The following TMEM117 variants were observed in gnomAD, a reference collection of about 807,000 sequenced individuals.
TMEM117 encodes the protein transmembrane protein 117.
TMEM117 carries 27 observed loss-of-function variants against 52.4 expected under a neutral mutation model. The observed-to-expected ratio is 0.51, with a 90% confidence interval of 0.38 to 0.71. TMEM117 has a LOEUF of 0.71. Ranked by LOEUF, TMEM117 falls within the 30% of genes least tolerant of loss-of-function variation. The pLI is 0.00. For missense variants in TMEM117, 556 were observed against 630.5 expected, an observed-to-expected ratio of 0.88 and a Z score of 1.26; for synonymous variants, 215 against 206.3, an observed-to-expected ratio of 1.04 and a Z score of -0.36.
intron 3 of TMEM117, among the ~76,000 whole-genome samples, chr12:44,140,719 A>G (rs1346757956): frequency 6.6e-6 from 1 of 152,082 alleles, no homozygotes; most frequent in Admixed American, 6.6e-5. Flanking sequence ...GCTGGTTTAT[A>G]CTTTCATCAA....
intron 4 of TMEM117, among the ~76,000 whole-genome samples, chr12:44,198,617 G>T (rs570295360): frequency 1.1e-4 from 17 of 152,242 alleles, no homozygotes; most frequent in African/African-American, 3.6e-4. Flanking sequence ...GGTATAAAAA[G>T]ATTTATTTCA....
chr12:44,037,669 A>C (rs553814636), intron 3 of TMEM117, among the ~76,000 whole-genome samples: 1 of 152,212 alleles, frequency 6.6e-6, no homozygotes, highest in East Asian at 1.9e-4. Context: ...ATTAGTACGC[A>C]CTTCCTCTTC....
intron 2 of TMEM117, among the ~76,000 whole-genome samples, chr12:43,872,305 ACAATATTGGCACAGACCATCATTATGAG>A (rs1046722515): frequency 6.6e-6 from 1 of 152,182 alleles, no homozygotes; most frequent in African/African-American, 2.4e-5. Flanking sequence ...TGGCTTGAAA[ACAATATTGGCACAGACCATCATTATGAG>A]CACGAATACT....
At chr12:43,799,731 A>G in the TMEM117 span, among the ~76,000 whole-genome samples, 1 of 152,094 alleles carries the variant, frequency 6.6e-6, no homozygotes, top group East Asian at 1.9e-4. Flanking sequence ...ATTACTAAAT[A>G]TTTTGTATGA....
At chr12:44,116,300 TTTC>T in intron 3 of TMEM117, among the ~76,000 whole-genome samples, 1 of 152,206 alleles carries the variant, frequency 6.6e-6, no homozygotes, top group South Asian at 2.1e-4. Context: ...GTGGGTTCTT[TTTC>T]TTCTTCCAAT....
chr12:43,800,366 C>A, the TMEM117 span: 1 of 1,081,780 alleles, frequency 9.2e-7, no homozygotes, highest in Non-Finnish European at 1.4e-6. Flanking sequence ...TATCAATTAC[C>A]CATTACCTAG....
chr12:44,225,853 A>G (rs765765492), intron 5 of TMEM117, among the ~76,000 whole-genome samples: 9 of 152,174 alleles, frequency 5.9e-5, no homozygotes, highest in Non-Finnish European at 1.0e-4. Context: ...GGTTTGGAGA[A>G]GGAAGGGTAC....
At chr12:44,027,185 TTTTATTTTA>T (rs1946554232) in intron 3 of TMEM117, among the ~76,000 whole-genome samples, 1 of 139,792 alleles carries the variant, frequency 7.2e-6, no homozygotes, top group Admixed American at 7.3e-5. Flanking sequence ...TTTTATTTTA[TTTTATTTTA>T]TTTTAATTAG....
intron 4 of TMEM117, among the ~76,000 whole-genome samples, chr12:44,170,330 G>A (rs749561968): frequency 1.3e-5 from 2 of 149,940 alleles, no homozygotes; most frequent in African/African-American, 2.5e-5. Flanking sequence ...GCATTAGGAG[G>A]TATACCTAAT....
chr12:44,124,026 A>G (rs886337403), intron 3 of TMEM117, among the ~76,000 whole-genome samples: 1 of 145,012 alleles, frequency 6.9e-6, no homozygotes, highest in Non-Finnish European at 1.5e-5. Context: ...GATTCTTTCT[A>G]TCCATGAGCA....
At chr12:43,884,394 C>T (rs111676037) in intron 2 of TMEM117, among the ~76,000 whole-genome samples, 94 of 152,194 alleles carry the variant, frequency 6.2e-4, no homozygotes, top group Non-Finnish European at 1.1e-3. Flanking sequence ...CATTCAAACT[C>T]ATTTTCCCAA....
intron 3 of TMEM117, among the ~76,000 whole-genome samples, chr12:44,139,054 C>T (rs897823451): frequency 2.0e-5 from 3 of 152,114 alleles, no homozygotes; most frequent in Non-Finnish European, 4.4e-5. Flanking sequence ...GTCAACTCCT[C>T]GCCCATGATT....
intron 5 of TMEM117, among the ~76,000 whole-genome samples, chr12:44,236,525 C>A (rs1949998829): frequency 6.6e-6 from 1 of 151,844 alleles, no homozygotes; most frequent in African/African-American, 2.4e-5. Flanking sequence ...ATTTTTATTT[C>A]TTGACTTTCT....
chr12:44,009,270 T>C (rs536140850), intron 3 of TMEM117: 24 of 277,180 alleles, frequency 8.7e-5, no homozygotes, highest in African/African-American at 4.2e-4. Context: ...GTATTTCTGA[T>C]GCAGAAACCG....
chr12:44,371,126 C>T (rs776038685), intron 6 of TMEM117, among the ~76,000 whole-genome samples: 5 of 152,126 alleles, frequency 3.3e-5, no homozygotes, highest in Non-Finnish European at 5.9e-5. Flanking sequence ...AGCCTGAGTA[C>T]AATTCTTCAG....
chr12:44,081,092 AT>A (rs1414901537), intron 3 of TMEM117, among the ~76,000 whole-genome samples: 3 of 152,326 alleles, frequency 2.0e-5, no homozygotes, highest in Non-Finnish European at 4.4e-5. Context: ...AAACTATAGT[AT>A]TATTTTCCAT....
intron 5 of TMEM117, among the ~76,000 whole-genome samples, chr12:44,266,968 C>T (rs913170113): frequency 1.3e-5 from 2 of 151,944 alleles, no homozygotes; most frequent in African/African-American, 4.8e-5. Flanking sequence ...TTCTGTTTTG[C>T]CTATGTATAT....
At position 44,031,843 on chromosome 12, in the gene TMEM117, T is replaced by C. The variant is rs1354049407; in HGVS notation, c.410+87501T>C. Reference sequence around the variant, plus strand: ...TGATTCCTTTTATAACAGGACACAATAGGAAAAACTGGTTATTTTACCAAG... The same window carrying C: ...TGATTCCTTTTATAACAGGACACAACAGGAAAAACTGGTTATTTTACCAAG... On this transcript the variant is annotated intron_variant, in intron 3 of 7. Coordinates refer to ENST00000266534, the MANE Select transcript of TMEM117 (RefSeq NM_032256.3). Among the ~76,000 whole-genome samples, 6 of 152,308 alleles carry C rather than the reference T, an allele frequency of 3.9e-5. No individual in the cohort carries two copies. In the East Asian group the frequency reaches 1.2e-3, roughly 29 times the overall value.
intron 4 of TMEM117, among the ~76,000 whole-genome samples, chr12:44,188,079 C>A (rs577170719): frequency 1.2e-4 from 18 of 152,120 alleles, no homozygotes; most frequent in African/African-American, 3.9e-4. Context: ...TTGTAGATAA[C>A]CTTAATGAGG....
Sources: allele counts gnomAD v4.1 joint callset (sites outside exome capture counted in the v4.1 genomes callset), GRCh38; gene constraint gnomAD v4.1.1; transcripts MANE v1.5; gene names NCBI Gene and HGNC (gene_info 2026-07-23, HGNC 2026-07-21).